Variants in MYMX observed in about 807,000 individuals in gnomAD.
MYMX encodes the protein protein myomixer.
the MYMX span, among the ~76,000 whole-genome samples, chr6:44,205,051 T>C: frequency 6.6e-6 from 1 of 151,870 alleles, no homozygotes; most frequent in Non-Finnish European, 1.5e-5. Flanking sequence ...GGCCAACGGG[T>C]GAGCATGGGA....
intron 1 of MYMX, 131 bp from the exon 2 acceptor site, chr6:44,217,319 T>A (rs1038054633): frequency 2.5e-6 from 1 of 397,244 alleles, no homozygotes; most frequent in Non-Finnish European, 4.4e-6. Flanking sequence ...AAAGCAAAAA[T>A]GACCTACAAA....
the MYMX span, among the ~76,000 whole-genome samples, chr6:44,199,752 C>G: frequency 6.6e-6 from 1 of 150,950 alleles, no homozygotes; most frequent in Non-Finnish European, 1.5e-5. Flanking sequence ...GGCATGATCA[C>G]TGTTCGCTGC....
chr6:44,208,974 C>CT, the MYMX span, among the ~76,000 whole-genome samples: 3 of 152,152 alleles, frequency 2.0e-5, no homozygotes, highest in Non-Finnish European at 4.4e-5. Flanking sequence ...CTCTCACTCT[C>CT]TTTTTTTGAG....
chr6:44,201,273 C>T, the MYMX span, among the ~76,000 whole-genome samples: 1 of 152,312 alleles, frequency 6.6e-6, no homozygotes, highest in East Asian at 1.9e-4. Context: ...TATGACAGGG[C>T]TGAGCTCCCA....
chr6:44,199,400 GTTGCCC>G, the MYMX span, among the ~76,000 whole-genome samples: 5 of 151,972 alleles, frequency 3.3e-5, no homozygotes, highest in Non-Finnish European at 7.4e-5. Flanking sequence ...GTTTCATCAT[GTTGCCC>G]AGGCTGATCT....
At chr6:44,205,358 G>A in the MYMX span, among the ~76,000 whole-genome samples, 7 of 152,046 alleles carry the variant, frequency 4.6e-5, no homozygotes, top group Non-Finnish European at 7.4e-5. Context: ...CATTGGAAGA[G>A]GAAAAGGACA....
the MYMX span, chr6:44,210,168 A>G: frequency 1.3e-5 from 2 of 151,886 alleles, no homozygotes; most frequent in Admixed American, 1.3e-4. Context: ...GATGGTCTCC[A>G]TCTCCTGACC....
chr6:44,210,685 C>G, the MYMX span, among the ~76,000 whole-genome samples: 1 of 152,168 alleles, frequency 6.6e-6, no homozygotes, highest in African/African-American at 2.4e-5. Context: ...TAAGTGATGG[C>G]TATTCATTGT....
At chr6:44,194,327 A>G in the MYMX span, among the ~76,000 whole-genome samples, 1 of 152,140 alleles carries the variant, frequency 6.6e-6, no homozygotes, top group Non-Finnish European at 1.5e-5. Flanking sequence ...AAGATGGGGC[A>G]AGGGGGGAAG....
At chr6:44,216,488 A>G (rs1338697543), upstream of MYMX, among the ~76,000 whole-genome samples, 2 of 151,962 alleles carry the variant, frequency 1.3e-5, no homozygotes, top group Admixed American at 1.3e-4. Context: ...TGTCTCTACT[A>G]CAAATACAAA....
upstream of MYMX, among the ~76,000 whole-genome samples, chr6:44,214,099 T>G (rs749615898): frequency 6.6e-6 from 1 of 152,208 alleles, no homozygotes; most frequent in Non-Finnish European, 1.5e-5. Flanking sequence ...TGTGAGCCAT[T>G]GGATAATTTG....
At chr6:44,204,266 C>A in the MYMX span, among the ~76,000 whole-genome samples, 1 of 152,126 alleles carries the variant, frequency 6.6e-6, no homozygotes, top group Non-Finnish European at 1.5e-5. Flanking sequence ...GATGGCAGGG[C>A]AGCTGGAGGT....
upstream of MYMX, among the ~76,000 whole-genome samples, chr6:44,214,888 G>C (rs1290903191): frequency 3.9e-5 from 6 of 152,104 alleles, no homozygotes; most frequent in Non-Finnish European, 8.8e-5. Flanking sequence ...TGAGAACTGA[G>C]CGAGATCCTG....
chr6:44,197,175 G>T, the MYMX span, among the ~76,000 whole-genome samples: 1 of 152,182 alleles, frequency 6.6e-6, no homozygotes, highest in African/African-American at 2.4e-5. Flanking sequence ...AGCAGAGGCT[G>T]CAGTGAGCCG....
chr6:44,194,635 G>A, the MYMX span, among the ~76,000 whole-genome samples: 1 of 152,204 alleles, frequency 6.6e-6, no homozygotes, highest in African/African-American at 2.4e-5. Flanking sequence ...AAAGGGGTCA[G>A]CTCTAGACAC....
chr6:44,198,439 A>G, the MYMX span, among the ~76,000 whole-genome samples: 1 of 152,110 alleles, frequency 6.6e-6, no homozygotes, highest in Non-Finnish European at 1.5e-5. Context: ...TGCTGGGATT[A>G]CAGGCGTGAG....
chr6:44,216,096 T>C (rs1775848111), upstream of MYMX, among the ~76,000 whole-genome samples: 1 of 152,224 alleles, frequency 6.6e-6, no homozygotes, highest in African/African-American at 2.4e-5. Context: ...GGAGATAGAC[T>C]GTGCCTCTAC....
At chr6:44,208,582 C>A in the MYMX span, among the ~76,000 whole-genome samples, 254 of 152,292 alleles carry the variant, frequency 1.7e-3, 3 homozygotes, top group Non-Finnish European at 1.4e-3. Context: ...CTTAAACTCC[C>A]CAAGCTCCTC....
At chr6:44,216,434 G>C (rs1235156563), upstream of MYMX, among the ~76,000 whole-genome samples, 1 of 152,010 alleles carries the variant, frequency 6.6e-6, no homozygotes, top group Non-Finnish European at 1.5e-5. Context: ...TGGATCACTT[G>C]AGCTCAGGAG....
Sources: gnomAD v4.1 joint callset for allele counts (sites outside exome capture counted in the v4.1 genomes callset) on GRCh38, gnomAD v4.1.1 for gene constraint, MANE v1.5 for transcripts, NCBI Gene and HGNC (gene_info 2026-07-23, HGNC 2026-07-21) for gene names.